The following FANCI variants were observed in gnomAD, a reference collection of about 807,000 sequenced individuals.
The protein encoded by FANCI is Fanconi anemia group I protein.
A neutral mutation model predicts 176.1 loss-of-function variants in FANCI; 156 were observed. The ratio of observed to expected loss-of-function variants is 0.89; its 90% CI spans 0.78 to 1.01. FANCI has a LOEUF of 1.01. Ranked by LOEUF, FANCI falls within the 50% of genes least tolerant of loss-of-function variation. The pLI, the probability that FANCI is intolerant of heterozygous loss-of-function variation, is 0.00. For synonymous variants in FANCI, 613 were observed against 541.7 expected (o/e 1.13, Z -1.83); for missense variants, 1,678 against 1,534.1 (o/e 1.09, Z -1.57).
intron 12 of FANCI, among the ~76,000 whole-genome samples, chr15:89,274,585 CTTTTCTTTCTTTCCTTTTTTTTTTTTT>C (rs1286663241): frequency 2.7e-4 from 36 of 134,696 alleles, no homozygotes; most frequent in African/African-American, 9.8e-4. Context: ...CTCTATTTTC[CTTTTCTTTCTTTCCTTTTTTTTTTTTT>C]TTTTTTTTTT....
intron 24 of FANCI, among the ~76,000 whole-genome samples, chr15:89,298,677 A>G (rs1256017694): frequency 3.9e-5 from 6 of 152,216 alleles, no homozygotes; most frequent in Non-Finnish European, 7.3e-5. Context: ...GTTCTTTGAG[A>G]AGATCAATAA....
chr15:89,282,032 G>A, intron 16 of FANCI, 197 bp downstream of exon 16: 2 of 572,166 alleles, frequency 3.5e-6, no homozygotes, highest in Non-Finnish European at 3.1e-6. Flanking sequence ...GCAACCCTAT[G>A]AAGTAAGAAT....
intron 1 of FANCI, among the ~76,000 whole-genome samples, chr15:89,246,356 A>G (rs889086437): frequency 2.0e-5 from 3 of 152,222 alleles, no homozygotes; most frequent in African/African-American, 7.2e-5. Flanking sequence ...TAATCTGCAC[A>G]AAGATGCTAG....
intron 1 of FANCI, among the ~76,000 whole-genome samples, chr15:89,247,127 G>A (rs2052023486): frequency 6.8e-6 from 1 of 146,704 alleles, no homozygotes; most frequent in African/African-American, 2.6e-5. Context: ...CTGGAGTACT[G>A]TGGCATGATC....
At chr15:89,246,331 A>T (rs1383758780) in intron 1 of FANCI, among the ~76,000 whole-genome samples, 4 of 152,174 alleles carry the variant, frequency 2.6e-5, no homozygotes, top group Non-Finnish European at 5.9e-5. Context: ...GTTTCTTCTT[A>T]CCTTCTCCCC....
At chr15:89,307,936 G>T (rs1045281274) in intron 34 of FANCI, 3 of 1,344,352 alleles carry the variant, frequency 2.2e-6, no homozygotes, top group East Asian at 3.2e-5. Flanking sequence ...GCATGCTCAG[G>T]CTCAAGGACT....
Position 89,307,580 on chromosome 15 carries a change from G to C in FANCI, c.3592-33G>C, listed in dbSNP as rs1409483388. 4 of 1,614,174 alleles carry C rather than the reference G, an allele frequency of 2.5e-6. No homozygotes were observed. In the South Asian group the frequency reaches 4.4e-5, roughly 18 times the overall value. The stretch of plus-strand genomic sequence containing the variant: ...AATGGGGGAAGCACTTTTACTGCTG[G>C]TTACATTGGTTTCCTTCTCCCTTGT... On this transcript the variant is annotated intron_variant, in intron 33 of 37. Coordinates refer to ENST00000310775, the MANE Select transcript of FANCI (RefSeq NM_001113378.2).
intron 2 of FANCI, among the ~76,000 whole-genome samples, chr15:89,257,122 G>A (rs774099014): frequency 1.1e-4 from 17 of 152,046 alleles, no homozygotes; most frequent in Non-Finnish European, 2.2e-4. Flanking sequence ...TAGCCAGGAT[G>A]GTCTTGATCT....
At chr15:89,281,366 G>C in intron 15 of FANCI, 66 bp downstream of exon 15, 1 of 1,567,120 alleles carries the variant, frequency 6.4e-7, no homozygotes, top group South Asian at 1.1e-5. Flanking sequence ...GAAGTCTGAT[G>C]CATTTTTGTA....
Position 89,260,772 on chromosome 15 carries a change from A to T in FANCI, c.217A>T (p.Ile73Phe), listed in dbSNP as rs138808921. The T allele has an allele frequency of 6.6e-5, 106 of 1,613,960 alleles. No individual in the cohort carries two copies. The highest frequency in any genetic ancestry group is 7.7e-5 in the Non-Finnish European group (91 of 1,179,960). ...GAGACGTAAGATATACACTTGTTGT[A>T]TCCAGTTGGTGGAATCGGGGGATTT... ...LRRRKIYTCC[I>F]QLVESGDLQK... The change falls in exon 4 of 38, where the codon ATC becomes TTC. Residue 73 changes from isoleucine (I) to phenylalanine (F), a missense_variant. Ile to Phe is a conservative substitution (Grantham distance 21). Transcript: ENST00000310775.
chr15:89,310,513 T>TTCC (rs966736822), intron 34 of FANCI, among the ~76,000 whole-genome samples: 1 of 152,216 alleles, frequency 6.6e-6, no homozygotes, highest in Non-Finnish European at 1.5e-5. Context: ...CCTAGGCATT[T>TTCC]TCCTCCTCCT....
At chr15:89,311,763 C>T (rs891301658) in intron 34 of FANCI, among the ~76,000 whole-genome samples, 2 of 152,172 alleles carry the variant, frequency 1.3e-5, no homozygotes, top group South Asian at 4.1e-4. Flanking sequence ...GTTGCAGAGC[C>T]TCTCTGTATT....
chr15:89,244,677 G>T (rs62020316), intron 1 of FANCI, among the ~76,000 whole-genome samples: 46,086 of 152,074 alleles, frequency 0.3, 8,461 homozygotes, highest in Non-Finnish European at 0.39. Context: ...GTTTGCATCC[G>T]GTAGTTCAAA....
intron 23 of FANCI, among the ~76,000 whole-genome samples, chr15:89,294,320 C>T (rs1364491282): frequency 1.3e-5 from 2 of 151,934 alleles, no homozygotes; most frequent in Non-Finnish European, 2.9e-5. Flanking sequence ...CATGGTGCCT[C>T]ACTCCTGTAA....
At chr15:89,254,316 C>T (rs1347497769) in intron 2 of FANCI, among the ~76,000 whole-genome samples, 5 of 152,102 alleles carry the variant, frequency 3.3e-5, no homozygotes, top group African/African-American at 9.7e-5. Flanking sequence ...TTCAGAGAAA[C>T]GGATAAGTTT....
chr15:89,305,406 C>T lies in FANCI; in HGVS notation c.3252C>T (p.Val1084=), dbSNP rs1270769440. ...IVNLRTAAPT[V]CLLVLSQAEK... ...ATTTGAGAACGGCTGCCCCCACTGT[C>T]TGTGTAAGTGTTGTACCTGAGCCAT... Residue 1084 remains valine, a synonymous_variant, in exon 30 of 38, where the codon GTC becomes GTT. Coordinates refer to ENST00000310775, the MANE Select transcript of FANCI (RefSeq NM_001113378.2). The T allele has an allele frequency of 1.7e-5, 28 of 1,613,338 alleles. No individual in the cohort carries two copies. The Middle Eastern group carries it at 5.4e-4, about 31-fold the overall frequency.
At chr15:89,311,890 C>T (rs143553357) in intron 34 of FANCI, among the ~76,000 whole-genome samples, 3,919 of 152,268 alleles carry the variant, frequency 0.026, 76 homozygotes, top group South Asian at 0.035. Flanking sequence ...CCGTACCTTA[C>T]ATTTGGGTGG....
chr15:89,305,014 G>A (rs2054662692), intron 28 of FANCI, 101 bp from the exon 29 acceptor site: 1 of 1,368,094 alleles, frequency 7.3e-7, no homozygotes, highest in African/African-American at 1.4e-5. Context: ...GACCTCAGGT[G>A]ATCCACCCGC....
chr15:89,313,817 A>T (rs936091821), intron 35 of FANCI, among the ~76,000 whole-genome samples: 2 of 152,192 alleles, frequency 1.3e-5, no homozygotes, highest in Admixed American at 1.3e-4. Context: ...TGAAAAAAAT[A>T]AACATCTAAA....
Sources: allele counts gnomAD v4.1 joint callset (sites outside exome capture counted in the v4.1 genomes callset), GRCh38; gene constraint gnomAD v4.1.1; transcripts MANE v1.5; gene names NCBI Gene and HGNC (gene_info 2026-07-23, HGNC 2026-07-21).